Variants in ZNF730 observed in about 807,000 individuals in gnomAD.
ZNF730 encodes the protein putative zinc finger protein 730.
Under a neutral mutation model 12.6 loss-of-function variants are expected in ZNF730, and 12 were observed. The observed-to-expected ratio is 0.95, with a 90% CI of 0.61 to 1.54. The LOEUF (loss-of-function observed/expected upper bound fraction) is 1.54, where lower values mean the gene tolerates loss of function less well. Among genes scored for constraint, ZNF730 ranks in the 40% most tolerant of loss-of-function variants. The pLI is 0.00. For synonymous variants in ZNF730, 194 were observed against 195.8 expected (o/e 0.99, Z 0.08); for missense variants, 643 against 583.5 (o/e 1.10, Z -1.05).
chr19:23,101,554 A>C (rs1319230238), intron 1 of ZNF730, among the ~76,000 whole-genome samples: 1 of 152,178 alleles, frequency 6.6e-6, no homozygotes, highest in African/African-American at 2.4e-5. Flanking sequence ...TACCCACCTT[A>C]GTGATTTGAC....
chr19:23,111,115 C>T (rs187721141), intron 1 of ZNF730, among the ~76,000 whole-genome samples: 7 of 151,616 alleles, frequency 4.6e-5, no homozygotes, highest in Admixed American at 4.6e-4. Flanking sequence ...TTACTCATCA[C>T]AGAAGAGATA....
chr19:23,134,224 A>C lies in ZNF730; in HGVS notation c.130+18A>C. The C allele has an allele frequency of 1.3e-6, 2 of 1,582,540 alleles. No homozygotes were observed. Among genetic ancestry groups the C allele is most frequent in the Non-Finnish European group, 1.7e-6 (2 of 1,162,828 alleles). On this transcript the variant is annotated intron_variant, in intron 2 of 3. Transcript: ENST00000597761. ...CTTCCTGGGTGAGGATAACTTTAATATACAATTCCTAATATACCCTATAGA... is the reference window on the plus strand; with the variant it reads ...CTTCCTGGGTGAGGATAACTTTAATCTACAATTCCTAATATACCCTATAGA...
chr19:23,089,690 G>T (rs1030627604), intron 1 of ZNF730, among the ~76,000 whole-genome samples: 1 of 152,112 alleles, frequency 6.6e-6, no homozygotes, highest in African/African-American at 2.4e-5. Flanking sequence ...CAATTAAACC[G>T]CTTTTTCTTC....
chr19:23,096,712 T>C (rs1156686010), intron 1 of ZNF730, among the ~76,000 whole-genome samples: 1 of 152,230 alleles, frequency 6.6e-6, no homozygotes, highest in Non-Finnish European at 1.5e-5. Flanking sequence ...CAAGGGGTAC[T>C]GTGACATATT....
intron 1 of ZNF730, among the ~76,000 whole-genome samples, chr19:23,082,206 G>A (rs1257513238): frequency 6.6e-6 from 1 of 152,050 alleles, no homozygotes; most frequent in Non-Finnish European, 1.5e-5. Context: ...GACACCTGTT[G>A]TATTCTTTGC....
chr19:23,110,831 T>G (rs1465490388), intron 1 of ZNF730, among the ~76,000 whole-genome samples: 2 of 152,212 alleles, frequency 1.3e-5, no homozygotes, highest in African/African-American at 4.8e-5. Context: ...AAAGATTAAT[T>G]AAATATTAGA....
intron 1 of ZNF730, among the ~76,000 whole-genome samples, chr19:23,099,795 T>G (rs73029434): frequency 6.6e-6 from 1 of 152,264 alleles, no homozygotes; most frequent in East Asian, 1.9e-4. Flanking sequence ...TTGTGACATG[T>G]GCCTCTGCCC....
chr19:23,081,233 C>T (rs1179506336), intron 1 of ZNF730, among the ~76,000 whole-genome samples: 1 of 150,470 alleles, frequency 6.6e-6, no homozygotes, highest in Non-Finnish European at 1.5e-5. Flanking sequence ...CAAACTCTGC[C>T]TCCTGGGTTC....
At chr19:23,101,938 G>A (rs915083019) in intron 1 of ZNF730, among the ~76,000 whole-genome samples, 1 of 152,158 alleles carries the variant, frequency 6.6e-6, no homozygotes, top group Non-Finnish European at 1.5e-5. Flanking sequence ...GGTGCATTGT[G>A]ACATATTTCT....
chr19:23,137,041 G>A (rs1038261331), intron 3 of ZNF730, among the ~76,000 whole-genome samples: 1 of 151,990 alleles, frequency 6.6e-6, no homozygotes, highest in African/African-American at 2.4e-5. Context: ...GTGGTGGCAG[G>A]CACCTGTAAT....
chr19:23,089,831 C>A (rs967913079), intron 1 of ZNF730, among the ~76,000 whole-genome samples: 2 of 151,964 alleles, frequency 1.3e-5, no homozygotes, highest in African/African-American at 4.8e-5. Flanking sequence ...GAGTAACAGG[C>A]AAAGGTTGGA....
chr19:23,137,825 A>T (rs192725410), intron 3 of ZNF730, among the ~76,000 whole-genome samples: 6 of 152,116 alleles, frequency 3.9e-5, no homozygotes, highest in African/African-American at 7.2e-5. Context: ...CTGGGGTCCA[A>T]CTTTAGTTGA....
intron 1 of ZNF730, among the ~76,000 whole-genome samples, chr19:23,103,410 A>G (rs1489274144): frequency 6.6e-6 from 1 of 152,212 alleles, no homozygotes. Flanking sequence ...TTTTTAGCAA[A>G]CTTTGTTAAC....
chr19:23,146,022 C>G lies in ZNF730; in HGVS notation c.978C>G (p.Thr326=). The G allele has an allele frequency of 1.2e-6, 2 of 1,608,850 alleles. No homozygotes were observed. Among genetic ancestry groups the G allele is most frequent in the Non-Finnish European group, 1.7e-6 (2 of 1,178,522 alleles). The change falls in exon 4 of 4, where the codon ACC becomes ACG. Residue 326 remains threonine, a synonymous_variant. Coordinates refer to ENST00000597761, the MANE Select transcript of ZNF730 (RefSeq NM_001277403.2). The part of the protein sequence containing the change: ...KCGKAFKWSS[T]LTKHKRIHNG... Reference sequence around the variant, plus strand: ...GCAAAGCTTTTAAGTGGTCCTCAACCCTTACAAAACATAAAAGAATTCATA... The same window carrying G: ...GCAAAGCTTTTAAGTGGTCCTCAACGCTTACAAAACATAAAAGAATTCATA...
chr19:23,144,700 C>CAA (rs57769795), intron 3 of ZNF730, among the ~76,000 whole-genome samples: 6,648 of 85,776 alleles, frequency 0.078, 416 homozygotes, highest in Middle Eastern at 0.16. Flanking sequence ...ACTCTTGTCT[C>CAA]AAAAAAAAAA....
At chr19:23,078,426 C>T (rs1364202231) in intron 1 of ZNF730, among the ~76,000 whole-genome samples, 1 of 152,014 alleles carries the variant, frequency 6.6e-6, no homozygotes, top group Non-Finnish European at 1.5e-5. Context: ...TTTAATGCAC[C>T]AGAGATGTTT....
chr19:23,136,468 G>A (rs561119659), intron 3 of ZNF730, among the ~76,000 whole-genome samples: 3 of 152,072 alleles, frequency 2.0e-5, no homozygotes, highest in Non-Finnish European at 2.9e-5. Flanking sequence ...GCAGTGGTGC[G>A]ATCTCGGCTC....
intron 1 of ZNF730, among the ~76,000 whole-genome samples, chr19:23,101,877 C>G (rs915827529): frequency 3.9e-5 from 6 of 152,152 alleles, no homozygotes; most frequent in Non-Finnish European, 7.4e-5. Context: ...CTCGCTGGGC[C>G]TTTCACCCAG....
intron 1 of ZNF730, among the ~76,000 whole-genome samples, chr19:23,096,085 G>A (rs1431765414): frequency 1.3e-5 from 2 of 152,126 alleles, no homozygotes; most frequent in Non-Finnish European, 2.9e-5. Flanking sequence ...CCAGCTCCAA[G>A]ATTATGTGAC....
Sources: allele counts gnomAD v4.1 joint callset (sites outside exome capture counted in the v4.1 genomes callset), GRCh38; gene constraint gnomAD v4.1.1; transcripts MANE v1.5; gene names NCBI Gene and HGNC (gene_info 2026-07-23, HGNC 2026-07-21).